Variants in KCNH5 observed in about 807,000 individuals in gnomAD.
The protein encoded by KCNH5 is potassium voltage-gated channel subfamily H member 5, also known as voltage-gated delayed rectifier potassium channel KCNH5.
Under a neutral mutation model 96.1 loss-of-function variants are expected in KCNH5, and 46 were observed. The observed-to-expected ratio is 0.48, with a 90% confidence interval of 0.38 to 0.61. The LOEUF (loss-of-function observed/expected upper bound fraction) is 0.61. Among genes scored for constraint, KCNH5 ranks in the 20% least tolerant of loss-of-function variants. The probability of loss-of-function intolerance (pLI) is 0.00; values close to 1 mark genes in which losing one functional copy is unlikely to be tolerated. For synonymous variants in KCNH5, 439 were observed against 449.8 expected, an observed-to-expected ratio of 0.98 and a Z score of 0.30; for missense variants, 907 against 1,225.8, an observed-to-expected ratio of 0.74 and a Z score of 3.88.
intron 7 of KCNH5, among the ~76,000 whole-genome samples, chr14:62,850,892 C>A (rs1018439407): frequency 6.6e-6 from 1 of 152,104 alleles, no homozygotes; most frequent in East Asian, 1.9e-4. Flanking sequence ...TCACAGGCAA[C>A]GATAATTTCC....
intron 3 of KCNH5, among the ~76,000 whole-genome samples, chr14:63,005,117 C>G (rs1263956021): frequency 6.6e-6 from 1 of 152,156 alleles, no homozygotes; most frequent in Non-Finnish European, 1.5e-5. Flanking sequence ...TTGCAGAGGA[C>G]AGAGCTGACC....
rs370583487 is a variant in KCNH5, at chr14:62,910,771, G to A, written c.1369+39362C>T. 3.3e-5 allele frequency among the ~76,000 whole-genome samples: 5 copies of A among 152,118 alleles called. No individual in the cohort carries two copies. The South Asian group carries it at 1.0e-3, about 32-fold the overall frequency. On this transcript the variant is annotated intron_variant, in intron 7 of 10. Coordinates refer to ENST00000322893, the MANE Select transcript of KCNH5 (RefSeq NM_139318.5). The stretch of plus-strand genomic sequence containing the variant: ...AGGCAGCTTCCCAGCTCACAGTTTT[G>A]CACCGGTGTTCCCTCTGGAAAGCAG...
At chr14:62,962,346 G>A (rs902805047) in intron 6 of KCNH5, among the ~76,000 whole-genome samples, 4 of 152,132 alleles carry the variant, frequency 2.6e-5, no homozygotes, top group African/African-American at 9.7e-5. Flanking sequence ...ATAAAAAAAT[G>A]CTGGAAATCA....
intron 10 of KCNH5, among the ~76,000 whole-genome samples, chr14:62,717,224 T>C (rs987969493): frequency 6.6e-6 from 1 of 152,196 alleles, no homozygotes; most frequent in Non-Finnish European, 1.5e-5. Context: ...AGTTAATCTA[T>C]AGTTTTGATA....
chr14:62,842,319 C>T (rs551383990), intron 8 of KCNH5, among the ~76,000 whole-genome samples: 53 of 152,130 alleles, frequency 3.5e-4, no homozygotes, highest in Admixed American at 2.4e-3. Flanking sequence ...ACTTGTGATA[C>T]GTGAAACGAA....
intron 10 of KCNH5, among the ~76,000 whole-genome samples, chr14:62,772,795 A>G (rs764539107): frequency 6.6e-6 from 1 of 152,170 alleles, no homozygotes; most frequent in Non-Finnish European, 1.5e-5. Flanking sequence ...ATTCAGTAAC[A>G]CTTCTTAAAC....
intron 6 of KCNH5, among the ~76,000 whole-genome samples, chr14:62,966,162 G>A (rs1890301351): frequency 6.6e-6 from 1 of 152,082 alleles, no homozygotes; most frequent in Admixed American, 6.6e-5. Flanking sequence ...AAATGACAAT[G>A]GAAACTAGCA....
chr14:62,924,569 T>A (rs1248064532), intron 7 of KCNH5, among the ~76,000 whole-genome samples: 1 of 151,902 alleles, frequency 6.6e-6, no homozygotes, highest in Admixed American at 6.6e-5. Flanking sequence ...GGAATCAACC[T>A]AGTGACCATC....
chr14:62,853,956 G>A (rs1595656228), intron 7 of KCNH5, among the ~76,000 whole-genome samples: 2 of 147,550 alleles, frequency 1.4e-5, no homozygotes, highest in South Asian at 2.1e-4. Context: ...GCAGTGAGCC[G>A]AGATAGCACC....
intron 10 of KCNH5, among the ~76,000 whole-genome samples, chr14:62,746,756 C>A (rs1311062281): frequency 6.6e-6 from 1 of 152,182 alleles, no homozygotes; most frequent in Non-Finnish European, 1.5e-5. Context: ...AGCAACTTTT[C>A]TTGAACGGAA....
At chr14:62,918,822 A>G (rs909442174) in intron 7 of KCNH5, among the ~76,000 whole-genome samples, 2 of 152,140 alleles carry the variant, frequency 1.3e-5, no homozygotes, top group Admixed American at 6.6e-5. Flanking sequence ...CAATAAAAAA[A>G]ATGCGTAACC....
At chr14:62,744,309 AT>A (rs1165769111) in intron 10 of KCNH5, among the ~76,000 whole-genome samples, 2 of 152,196 alleles carry the variant, frequency 1.3e-5, no homozygotes, top group African/African-American at 2.4e-5. Flanking sequence ...CATTTATAAA[AT>A]GGAGACAATG....
intron 9 of KCNH5, among the ~76,000 whole-genome samples, chr14:62,788,789 A>C (rs1886371889): frequency 2.0e-5 from 3 of 152,116 alleles, no homozygotes; most frequent in Admixed American, 1.3e-4. Flanking sequence ...TTTAACAATA[A>C]AATATTTTTA....
intron 7 of KCNH5, among the ~76,000 whole-genome samples, chr14:62,944,218 T>C (rs1291232215): frequency 6.6e-6 from 1 of 152,174 alleles, no homozygotes; most frequent in Non-Finnish European, 1.5e-5. Flanking sequence ...GCCACATTCA[T>C]ACTTCTAAAT....
chr14:62,889,146 TAA>T (rs1204885881), intron 7 of KCNH5, among the ~76,000 whole-genome samples: 1 of 152,116 alleles, frequency 6.6e-6, no homozygotes, highest in Non-Finnish European at 1.5e-5. Flanking sequence ...CTAGGTGATA[TAA>T]GTTATGTACC....
At chr14:62,733,897 T>C (rs1487144193) in intron 10 of KCNH5, among the ~76,000 whole-genome samples, 3 of 152,182 alleles carry the variant, frequency 2.0e-5, no homozygotes, top group Admixed American at 1.3e-4. Context: ...TAACATTACG[T>C]TCTTTTCCCA....
chr14:62,826,344 C>T (rs779368573), intron 8 of KCNH5, among the ~76,000 whole-genome samples: 12 of 151,458 alleles, frequency 7.9e-5, no homozygotes, highest in Middle Eastern at 3.4e-3. Flanking sequence ...ATACCTTTAC[C>T]CATCTCTTTA....
chr14:62,829,494 G>T (rs1192770730), intron 8 of KCNH5, among the ~76,000 whole-genome samples: 1 of 152,154 alleles, frequency 6.6e-6, no homozygotes, highest in African/African-American at 2.4e-5. Flanking sequence ...GCACCCACAG[G>T]CCCTATACCA....
At chr14:63,011,159 G>C (rs555568523) in intron 2 of KCNH5, among the ~76,000 whole-genome samples, 1 of 152,232 alleles carries the variant, frequency 6.6e-6, no homozygotes, top group South Asian at 2.1e-4. Flanking sequence ...CTGAGAGAGG[G>C]GAAGTTAAGG....
Sources: gnomAD v4.1 joint callset for allele counts (sites outside exome capture counted in the v4.1 genomes callset) on GRCh38, gnomAD v4.1.1 for gene constraint, MANE v1.5 for transcripts, NCBI Gene and HGNC (gene_info 2026-07-23, HGNC 2026-07-21) for gene names.